The following R3HDM2 variants were observed in gnomAD, a reference collection of about 807,000 sequenced individuals.
R3HDM2 encodes R3H domain-containing protein 2.
In R3HDM2, 38 loss-of-function variants were observed where a neutral mutation model predicts 124.5. The ratio of observed to expected loss-of-function variants is 0.31; its 90% confidence interval spans 0.24 to 0.40. R3HDM2 has a LOEUF of 0.40. R3HDM2 is among the 10% of genes least tolerant of loss of function. R3HDM2 has a pLI of 1.00. For missense variants in R3HDM2, 869 were observed against 1,236.9 expected, an observed-to-expected ratio of 0.70 and a Z score of 4.46; for synonymous variants, 391 against 448.0, an observed-to-expected ratio of 0.87 and a Z score of 1.61.
At chr12:57,371,071 T>G (rs1047286317) in intron 2 of R3HDM2, among the ~76,000 whole-genome samples, 1 of 137,366 alleles carries the variant, frequency 7.3e-6, no homozygotes. Flanking sequence ...GGGAACCAAA[T>G]ATATACCATT....
At chr12:57,401,176 G>A (rs111299807) in intron 1 of R3HDM2, among the ~76,000 whole-genome samples, 1 of 150,754 alleles carries the variant, frequency 6.6e-6, no homozygotes, top group African/African-American at 2.4e-5. Context: ...AGTGCAGTTC[G>A]TCTCAAAAAA....
intron 4 of R3HDM2, among the ~76,000 whole-genome samples, chr12:57,302,432 G>A (rs371418451): frequency 1.4e-4 from 22 of 151,866 alleles, no homozygotes; most frequent in African/African-American, 3.9e-4. Flanking sequence ...TTGGGAGACC[G>A]AGGTGGGCAG....
chr12:57,314,113 G>A (rs530919112), intron 2 of R3HDM2, among the ~76,000 whole-genome samples: 11 of 152,042 alleles, frequency 7.2e-5, no homozygotes, highest in African/African-American at 2.7e-4. Context: ...ACTTGAACCA[G>A]CAAGGTGGAG....
At chr12:57,266,628 C>A (rs2042499135) in intron 19 of R3HDM2, 103 bp downstream of exon 19, 2 of 879,896 alleles carry the variant, frequency 2.3e-6, no homozygotes, top group Admixed American at 4.0e-5. Flanking sequence ...GGGACAGACC[C>A]AATACCTGAA....
At chr12:57,302,751 T>C (rs1262869821) in intron 4 of R3HDM2, among the ~76,000 whole-genome samples, 1 of 150,760 alleles carries the variant, frequency 6.6e-6, no homozygotes, top group African/African-American at 2.4e-5. Flanking sequence ...GAGTCATTTT[T>C]CTTAGTGGGG....
intron 2 of R3HDM2, among the ~76,000 whole-genome samples, chr12:57,359,259 C>T (rs927933270): frequency 1.3e-5 from 2 of 151,998 alleles, no homozygotes; most frequent in Admixed American, 1.3e-4. Flanking sequence ...TGGTGTTTCG[C>T]CATGCTGCCC....
chr12:57,306,668 A>G (rs1593031835), intron 3 of R3HDM2, among the ~76,000 whole-genome samples: 1 of 152,050 alleles, frequency 6.6e-6, no homozygotes, highest in Middle Eastern at 3.4e-3. Context: ...TTGGCCTCCC[A>G]AAGTGCTGAG....
At chr12:57,400,201 G>A (rs1443465914) in intron 1 of R3HDM2, among the ~76,000 whole-genome samples, 1 of 152,064 alleles carries the variant, frequency 6.6e-6, no homozygotes, top group Non-Finnish European at 1.5e-5. Flanking sequence ...AACAATGATA[G>A]ACTGGATTAA....
chr12:57,428,630 G>C (rs1274294597), intron 1 of R3HDM2, among the ~76,000 whole-genome samples: 1 of 151,688 alleles, frequency 6.6e-6, no homozygotes, highest in Non-Finnish European at 1.5e-5. Flanking sequence ...GCTCCACCCT[G>C]GGTGACATAG....
chr12:57,423,809 A>T (rs12812113), intron 1 of R3HDM2, among the ~76,000 whole-genome samples: 3 of 19,546 alleles, frequency 1.5e-4, no homozygotes, highest in African/African-American at 1.1e-3. Flanking sequence ...TGTCTCAATT[A>T]AAAAAAAAAA....
chr12:57,329,326 A>G (rs923444298), intron 2 of R3HDM2, among the ~76,000 whole-genome samples: 3 of 152,244 alleles, frequency 2.0e-5, no homozygotes, highest in African/African-American at 7.2e-5. Context: ...ATAGTACATA[A>G]GAACAGTAGA....
intron 19 of R3HDM2, among the ~76,000 whole-genome samples, chr12:57,264,898 A>G (rs2041933788): frequency 6.6e-6 from 1 of 152,136 alleles, no homozygotes; most frequent in African/African-American, 2.4e-5. Context: ...TGGCCTCCCA[A>G]AGTGCTGGGA....
At chr12:57,390,586 C>G (rs1001590192) in intron 2 of R3HDM2, among the ~76,000 whole-genome samples, 15 of 152,072 alleles carry the variant, frequency 9.9e-5, no homozygotes, top group Admixed American at 1.3e-4. Context: ...GGTCCCAGCA[C>G]TTTGGGAGGC....
At chr12:57,336,663 G>A (rs1002451295) in intron 2 of R3HDM2, among the ~76,000 whole-genome samples, 3 of 152,274 alleles carry the variant, frequency 2.0e-5, no homozygotes, top group Admixed American at 6.5e-5. Context: ...GGGTCTACAT[G>A]AGCGGGGAGG....
chr12:57,410,318 T>TAAAA (rs56412130), intron 1 of R3HDM2, among the ~76,000 whole-genome samples: 1 of 100,140 alleles, frequency 1.0e-5, no homozygotes, highest in African/African-American at 3.8e-5. Flanking sequence ...AGTATAACCT[T>TAAAA]AAAAAAAAAA....
chr12:57,297,079 G>C (rs1319646220), intron 8 of R3HDM2: 3 of 392,042 alleles, frequency 7.7e-6, no homozygotes, highest in Non-Finnish European at 1.4e-5. Context: ...TTAAGCCCTA[G>C]GTCCCACCCA....
At chr12:57,385,835 A>G (rs78105314) in intron 2 of R3HDM2, among the ~76,000 whole-genome samples, 224 of 152,322 alleles carry the variant, frequency 1.5e-3, no homozygotes, top group Non-Finnish European at 2.6e-3. Flanking sequence ...CAAGACTTTC[A>G]TGGAAACTAC....
intron 1 of R3HDM2, among the ~76,000 whole-genome samples, chr12:57,404,675 G>A (rs1484201355): frequency 1.3e-5 from 2 of 152,026 alleles, no homozygotes; most frequent in African/African-American, 2.4e-5. Context: ...ACTCCAGCCC[G>A]GCACCAGAGC....
intron 2 of R3HDM2, among the ~76,000 whole-genome samples, chr12:57,371,889 C>G (rs965668933): frequency 3.3e-5 from 5 of 152,034 alleles, no homozygotes; most frequent in African/African-American, 1.2e-4. Context: ...AATTTTGAGA[C>G]GGAGTTTCGC....
Sources: allele counts gnomAD v4.1 joint callset (sites outside exome capture counted in the v4.1 genomes callset), GRCh38; gene constraint gnomAD v4.1.1; transcripts MANE v1.5; gene names NCBI Gene and HGNC (gene_info 2026-07-23, HGNC 2026-07-21).